Variants in DPP6 observed in about 807,000 individuals in gnomAD.
DPP6 encodes the protein dipeptidyl peptidase like 6.
DPP6 carries 69 observed loss-of-function variants against 122.6 expected under a neutral mutation model. The ratio of observed to expected loss-of-function variants is 0.56; its 90% CI spans 0.46 to 0.69. The LOEUF (loss-of-function observed/expected upper bound fraction) is 0.69. DPP6 is among the 30% of genes least tolerant of loss of function. The pLI is 0.00. For synonymous variants in DPP6, 418 were observed against 433.1 expected, an observed-to-expected ratio of 0.97 and a Z score of 0.43; for missense variants, 928 against 1,116.9, an observed-to-expected ratio of 0.83 and a Z score of 2.41.
intron 16 of DPP6, among the ~76,000 whole-genome samples, chr7:154,832,845 G>A (rs1386100257): frequency 2.6e-5 from 4 of 152,240 alleles, no homozygotes; most frequent in Non-Finnish European, 5.9e-5. Flanking sequence ...ACTTCCCAGG[G>A]AATGGTGTTG....
At chr7:154,401,512 A>G (rs1008907591) in intron 1 of DPP6, among the ~76,000 whole-genome samples, 1 of 152,216 alleles carries the variant, frequency 6.6e-6, no homozygotes, top group African/African-American at 2.4e-5. Context: ...AGGGTATGAA[A>G]GTGGTAGAGA....
intron 1 of DPP6, among the ~76,000 whole-genome samples, chr7:154,299,408 C>T (rs867287285): frequency 1.2e-4 from 18 of 152,232 alleles, no homozygotes; most frequent in Admixed American, 2.6e-4. Context: ...ACAGTGAGCA[C>T]GCAGTGGTCG....
intron 1 of DPP6, among the ~76,000 whole-genome samples, chr7:154,027,352 A>G (rs1007735488): frequency 1.4e-4 from 22 of 152,160 alleles, no homozygotes; most frequent in Admixed American, 5.9e-4. Context: ...TTTGCTTATT[A>G]TAGCCATCAC....
At chr7:153,957,808 C>T (rs910717527) in intron 1 of DPP6, among the ~76,000 whole-genome samples, 5 of 152,166 alleles carry the variant, frequency 3.3e-5, no homozygotes, top group Non-Finnish European at 7.3e-5. Flanking sequence ...AGTTTACATG[C>T]CCTTTGGCTA....
intron 6 of DPP6, among the ~76,000 whole-genome samples, chr7:154,640,761 A>G (rs937178932): frequency 2.6e-5 from 4 of 152,136 alleles, no homozygotes; most frequent in African/African-American, 9.7e-5. Flanking sequence ...TTGTCTTTTA[A>G]AAATAAAAAT....
chr7:153,870,049 G>T, the DPP6 span, among the ~76,000 whole-genome samples: 1 of 152,110 alleles, frequency 6.6e-6, no homozygotes, highest in African/African-American at 2.4e-5. Context: ...TCCCTTTGTG[G>T]GTAACCCTAC....
At chr7:154,003,314 C>A (rs1261233865) in intron 1 of DPP6, among the ~76,000 whole-genome samples, 1 of 152,026 alleles carries the variant, frequency 6.6e-6, no homozygotes, top group Non-Finnish European at 1.5e-5. Flanking sequence ...TCCCAGATAA[C>A]AGGATGGAAG....
chr7:153,844,341 A>T, the DPP6 span, among the ~76,000 whole-genome samples: 20 of 152,180 alleles, frequency 1.3e-4, 1 homozygote, highest in Admixed American at 1.2e-3. Context: ...ATTGAAGAAT[A>T]TTTTTTTCCA....
chr7:154,205,208 CAG>C (rs1799377198), intron 1 of DPP6, among the ~76,000 whole-genome samples: 1 of 151,604 alleles, frequency 6.6e-6, no homozygotes, highest in Non-Finnish European at 1.5e-5. Context: ...GGAAATAATA[CAG>C]AGAGAGCCCT....
Position 154,640,950 on chromosome 7 carries a change from A to C in DPP6, c.680+3077A>C, listed in dbSNP as rs1032031363. On this transcript the variant is annotated intron_variant, in intron 6 of 25. Coordinates refer to ENST00000377770, the MANE Select transcript of DPP6 (RefSeq NM_130797.4). ...TCTTCAGGATGGTTTTGTCATTTAT[A>C]GCTTGATTTTTTTTTCTTAGCTTCA... Among the ~76,000 whole-genome samples the C allele has an allele frequency of 7.9e-5, 12 of 152,254 alleles. No individual in the cohort carries two copies. The East Asian group carries it at 2.3e-3, about 29-fold the overall frequency.
chr7:154,867,472 A>T (rs1803984087), intron 17 of DPP6, among the ~76,000 whole-genome samples: 1 of 152,226 alleles, frequency 6.6e-6, no homozygotes, highest in South Asian at 2.1e-4. Flanking sequence ...CCACAAATAC[A>T]GTCACCGAAG....
chr7:154,836,036 C>CTTCAGGAACA (rs1199335990), intron 16 of DPP6, among the ~76,000 whole-genome samples: 1 of 152,222 alleles, frequency 6.6e-6, no homozygotes, highest in Non-Finnish European at 1.5e-5. Context: ...ACACTATGAC[C>CTTCAGGAACA]TTCAGGAATG....
chr7:154,685,689 G>T (rs1839556586), intron 7 of DPP6, among the ~76,000 whole-genome samples: 1 of 152,142 alleles, frequency 6.6e-6, no homozygotes, highest in African/African-American at 2.4e-5. Context: ...TTAAAACATT[G>T]CCAGGGAAAT....
At chr7:154,281,015 AT>A (rs1027335997) in intron 1 of DPP6, among the ~76,000 whole-genome samples, 5 of 106,508 alleles carry the variant, frequency 4.7e-5, no homozygotes, top group Non-Finnish European at 1.1e-4. Flanking sequence ...TTATTTATTT[AT>A]TTATTTATTT....
intron 1 of DPP6, among the ~76,000 whole-genome samples, chr7:153,964,296 T>A (rs1010568935): frequency 3.9e-5 from 6 of 152,188 alleles, no homozygotes; most frequent in African/African-American, 1.2e-4. Context: ...GTGCCCAGCC[T>A]GAGTTTCAGG....
the DPP6 span, among the ~76,000 whole-genome samples, chr7:153,854,849 CAAT>C: frequency 8.8e-6 from 1 of 114,042 alleles, no homozygotes; most frequent in African/African-American, 3.4e-5. Context: ...AAATGTCCAA[CAAT>C]GATAGACTGG....
intron 16 of DPP6, among the ~76,000 whole-genome samples, chr7:154,850,979 T>C (rs1389251374): frequency 6.6e-6 from 1 of 152,240 alleles, no homozygotes; most frequent in Non-Finnish European, 1.5e-5. Flanking sequence ...ATTTTCATGT[T>C]ATTTTTGTCT....
At chr7:154,281,551 C>A (rs1192948662) in intron 1 of DPP6, among the ~76,000 whole-genome samples, 1 of 152,120 alleles carries the variant, frequency 6.6e-6, no homozygotes, top group African/African-American at 2.4e-5. Flanking sequence ...AATTTACATA[C>A]CTTGTGACTC....
intron 8 of DPP6, among the ~76,000 whole-genome samples, chr7:154,733,958 A>C (rs142991960): frequency 6.6e-6 from 1 of 152,244 alleles, no homozygotes; most frequent in Non-Finnish European, 1.5e-5. Context: ...TGTCACGCTG[A>C]TACCCAGTGT....
Sources: allele counts gnomAD v4.1 joint callset (sites outside exome capture counted in the v4.1 genomes callset), GRCh38; gene constraint gnomAD v4.1.1; transcripts MANE v1.5; gene names NCBI Gene and HGNC (gene_info 2026-07-23, HGNC 2026-07-21).